The following MKLN1 variants were observed in gnomAD, a reference collection of about 807,000 sequenced individuals.
MKLN1 encodes the protein muskelin.
A neutral mutation model predicts 99.0 loss-of-function variants in MKLN1; 18 were observed. The observed-to-expected ratio is 0.18, with a 90% CI of 0.13 to 0.27. MKLN1 has a LOEUF of 0.27. MKLN1 is among the 10% of genes least tolerant of loss of function. MKLN1 has a pLI of 1.00. For synonymous variants in MKLN1, 288 were observed against 293.2 expected, an observed-to-expected ratio of 0.98 and a Z score of 0.18; for missense variants, 621 against 875.9, an observed-to-expected ratio of 0.71 and a Z score of 3.67.
intron 2 of MKLN1, among the ~76,000 whole-genome samples, chr7:131,186,306 C>G (rs141640506): frequency 6.6e-6 from 1 of 152,160 alleles, no homozygotes; most frequent in African/African-American, 2.4e-5. Flanking sequence ...GAGTTCAAGA[C>G]CAGCCTGGGC....
At chr7:131,328,140 A>T in intron 1 of MKLN1, 143 bp downstream of exon 1, 1 of 1,000,192 alleles carries the variant, frequency 1.0e-6, no homozygotes, top group Non-Finnish European at 1.4e-6. Context: ...GTCTTAGTTC[A>T]GCTGCTGAGA....
At chr7:131,368,340 G>A (rs1251487025) in intron 1 of MKLN1, among the ~76,000 whole-genome samples, 1 of 152,168 alleles carries the variant, frequency 6.6e-6, no homozygotes, top group Non-Finnish European at 1.5e-5. Flanking sequence ...TGGAAAAGTA[G>A]AGCCTGATTT....
chr7:131,398,623 G>A (rs565864098), intron 5 of MKLN1, among the ~76,000 whole-genome samples: 7 of 152,148 alleles, frequency 4.6e-5, no homozygotes, highest in East Asian at 1.9e-4. Flanking sequence ...CCTGGGAGGC[G>A]GAGGTTGCAG....
chr7:131,370,721 T>C (rs760571602), intron 1 of MKLN1, among the ~76,000 whole-genome samples: 2 of 152,164 alleles, frequency 1.3e-5, no homozygotes, highest in Non-Finnish European at 2.9e-5. Flanking sequence ...AGGTTACTTC[T>C]CTTGAAGGTC....
chr7:131,355,972 T>C (rs564836561), intron 1 of MKLN1, among the ~76,000 whole-genome samples: 1 of 152,234 alleles, frequency 6.6e-6, no homozygotes, highest in South Asian at 2.1e-4. Flanking sequence ...TCTTAAATTT[T>C]AGACTTTATC....
At chr7:131,424,664 T>C (rs1795305715) in intron 8 of MKLN1, among the ~76,000 whole-genome samples, 1 of 152,214 alleles carries the variant, frequency 6.6e-6, no homozygotes, top group South Asian at 2.1e-4. Flanking sequence ...TTGGTACATG[T>C]ACTATACCAA....
At chr7:131,388,157 A>G (rs1246572600) in intron 3 of MKLN1, among the ~76,000 whole-genome samples, 1 of 152,136 alleles carries the variant, frequency 6.6e-6, no homozygotes, top group East Asian at 1.9e-4. Flanking sequence ...AAACAGTGAG[A>G]CTCTGTCTCA....
intron 1 of MKLN1, among the ~76,000 whole-genome samples, chr7:131,348,195 A>G (rs1799618494): frequency 6.6e-6 from 1 of 152,222 alleles, no homozygotes; most frequent in Non-Finnish European, 1.5e-5. Flanking sequence ...GCCATATGAC[A>G]TATCTCTTAT....
chr7:131,318,731 A>G (rs1798716168), intron 3 of MKLN1, among the ~76,000 whole-genome samples: 2 of 152,220 alleles, frequency 1.3e-5, no homozygotes, highest in South Asian at 2.1e-4. Context: ...GACAAGAATC[A>G]AATAGACACA....
chr7:131,196,800 C>A (rs1220475252), intron 2 of MKLN1, among the ~76,000 whole-genome samples: 1 of 151,862 alleles, frequency 6.6e-6, no homozygotes, highest in Non-Finnish European at 1.5e-5. Flanking sequence ...CCCATTGGCC[C>A]CCATTTAAAA....
At chr7:131,486,747 T>C (rs1797293016) in intron 17 of MKLN1, among the ~76,000 whole-genome samples, 1 of 152,142 alleles carries the variant, frequency 6.6e-6, no homozygotes, top group African/African-American at 2.4e-5. Flanking sequence ...CTCATTTGTA[T>C]GTAAGAAATC....
At chr7:131,110,493 C>T (rs1213707123) in intron 1 of MKLN1, among the ~76,000 whole-genome samples, 1 of 152,156 alleles carries the variant, frequency 6.6e-6, no homozygotes, top group African/African-American at 2.4e-5. Context: ...ATCAGCCCAT[C>T]GGCCTGGCGC....
chr7:131,492,862 G>A lies in MKLN1; in HGVS notation c.*5134G>A, dbSNP rs1052024391. On this transcript the variant is annotated 3_prime_UTR_variant, in exon 18 of 18. Transcript: ENST00000352689. ...GCCCTTAACCTAAGGAGTCATTAGA[G>A]GTTATAGTAAATTAGTTTCTCTAGT... is the stretch of plus-strand genomic sequence containing the variant. The A allele has an allele frequency of 2.0e-5, 3 of 152,106 alleles. No individual in the cohort carries two copies. Among genetic ancestry groups the A allele is most frequent in the African/African-American group, 7.2e-5 (3 of 41,420 alleles). The allele number at this position is 152,106 out of a possible 1,614,324, so 9.4% of individuals were successfully genotyped here.
intron 3 of MKLN1, among the ~76,000 whole-genome samples, chr7:131,231,488 A>G (rs978796976): frequency 2.0e-5 from 3 of 152,172 alleles, no homozygotes; most frequent in Non-Finnish European, 2.9e-5. Flanking sequence ...GCTGGTTCCA[A>G]TCAGAGAACT....
At chr7:131,173,598 A>T (rs756628270) in intron 2 of MKLN1, among the ~76,000 whole-genome samples, 1 of 152,192 alleles carries the variant, frequency 6.6e-6, no homozygotes, top group Non-Finnish European at 1.5e-5. Flanking sequence ...GCATGCCTGC[A>T]ATTCCAGCTA....
At chr7:131,117,716 G>A (rs1490600266) in intron 1 of MKLN1, among the ~76,000 whole-genome samples, 1 of 152,216 alleles carries the variant, frequency 6.6e-6, no homozygotes, top group Non-Finnish European at 1.5e-5. Flanking sequence ...GGAGAGAATA[G>A]TTGGAAGGTA....
chr7:131,412,056 C>T (rs1250865027), intron 7 of MKLN1, among the ~76,000 whole-genome samples: 2 of 151,950 alleles, frequency 1.3e-5, no homozygotes, highest in Non-Finnish European at 2.9e-5. Context: ...CACTGCACTT[C>T]AACCTGGGCA....
At chr7:131,386,114 A>G (rs1749750581) in intron 2 of MKLN1, among the ~76,000 whole-genome samples, 1 of 151,830 alleles carries the variant, frequency 6.6e-6, no homozygotes, top group South Asian at 2.1e-4. Flanking sequence ...CTAGGGTTCA[A>G]GCAATTCTCC....
chr7:131,438,237 T>G (rs1346529529), intron 10 of MKLN1, among the ~76,000 whole-genome samples: 2 of 152,052 alleles, frequency 1.3e-5, no homozygotes, highest in African/African-American at 2.4e-5. Context: ...ATAGAAACTT[T>G]AGCGAGTAGA....
Sources: gnomAD v4.1 joint callset for allele counts (sites outside exome capture counted in the v4.1 genomes callset) on GRCh38, gnomAD v4.1.1 for gene constraint, MANE v1.5 for transcripts, NCBI Gene and HGNC (gene_info 2026-07-23, HGNC 2026-07-21) for gene names.